The following FSTL5 variants were observed in gnomAD, a reference collection of about 807,000 sequenced individuals.
FSTL5 encodes the protein follistatin like 5.
Under a neutral mutation model 89.1 loss-of-function variants are expected in FSTL5, and 62 were observed. That is an observed-to-expected ratio of 0.70 (90% CI 0.57 to 0.86). The LOEUF (loss-of-function observed/expected upper bound fraction) is 0.86, where lower values mean the gene tolerates loss of function less well. FSTL5 is among the 40% of genes least tolerant of loss of function. The pLI is 0.00. For missense variants in FSTL5, 1,057 were observed against 1,001.6 expected, an observed-to-expected ratio of 1.06 and a Z score of -0.75; for synonymous variants, 383 against 346.2, an observed-to-expected ratio of 1.11 and a Z score of -1.18.
chr4:161,391,821 G>A (rs1188689889), intron 15 of FSTL5, among the ~76,000 whole-genome samples: 1 of 152,198 alleles, frequency 6.6e-6, no homozygotes, highest in Non-Finnish European at 1.5e-5. Flanking sequence ...GCTTAGATGT[G>A]TTTGAGAAAT....
At chr4:161,426,133 G>T (rs1045571059) in intron 15 of FSTL5, among the ~76,000 whole-genome samples, 4 of 151,860 alleles carry the variant, frequency 2.6e-5, no homozygotes, top group Admixed American at 2.6e-4. Flanking sequence ...TTTTGTATCT[G>T]CATATTATTC....
At chr4:161,579,656 G>T (rs772058330) in intron 8 of FSTL5, among the ~76,000 whole-genome samples, 20 of 150,528 alleles carry the variant, frequency 1.3e-4, no homozygotes, top group Admixed American at 2.7e-4. Flanking sequence ...GGCAGAGGTT[G>T]CAGTGAGCCA....
In FSTL5 at chr4:161,920,569, T is replaced by C; in HGVS notation, c.244A>G (p.Thr82Ala). 1 of 1,613,980 alleles carries C rather than the reference T, an allele frequency of 6.2e-7. No homozygotes were observed. Residue 82 changes from threonine to alanine, a missense_variant, in exon 4 of 16, where the codon ACA becomes GCA. By Grantham distance (58) the Thr-to-Ala change is moderately conservative (BLOSUM62 0). Transcript: ENST00000306100. ...ATACAGGCACATTCTGCTTGCCCTG[T>C]CTCTCTGCTGGTAACACAGTGTCTT... ...LGRHCVTSRE[T>A]GQAECACMDL...
intron 3 of FSTL5, among the ~76,000 whole-genome samples, chr4:161,923,114 T>C (rs1266634448): frequency 6.6e-6 from 1 of 151,976 alleles, no homozygotes; most frequent in African/African-American, 2.4e-5. Context: ...CTTCCAACCA[T>C]GCCCAAATAA....
At chr4:161,882,569 T>C (rs1326746280) in intron 4 of FSTL5, among the ~76,000 whole-genome samples, 1 of 152,144 alleles carries the variant, frequency 6.6e-6, no homozygotes, top group Non-Finnish European at 1.5e-5. Context: ...AGGGACAATG[T>C]ATTATCCATA....
intron 7 of FSTL5, among the ~76,000 whole-genome samples, chr4:161,591,628 T>C (rs1218607630): frequency 6.6e-6 from 1 of 152,182 alleles, no homozygotes; most frequent in Non-Finnish European, 1.5e-5. Context: ...AATTGACATA[T>C]TTTTATGAAG....
chr4:161,999,137 T>C (rs1159480207), intron 3 of FSTL5, among the ~76,000 whole-genome samples: 4 of 152,178 alleles, frequency 2.6e-5, no homozygotes, highest in Admixed American at 2.0e-4. Context: ...TAGAATTTTA[T>C]TTTTAGTTTA....
At chr4:161,854,416 C>G (rs1265108291) in intron 4 of FSTL5, among the ~76,000 whole-genome samples, 1 of 152,096 alleles carries the variant, frequency 6.6e-6, no homozygotes, top group African/African-American at 2.4e-5. Flanking sequence ...ACTGTGAAGT[C>G]CCTACATGAT....
intron 2 of FSTL5, among the ~76,000 whole-genome samples, chr4:162,050,834 T>C (rs1421453415): frequency 6.6e-6 from 1 of 151,016 alleles, no homozygotes; most frequent in Non-Finnish European, 1.5e-5. Flanking sequence ...AGTTAATAAA[T>C]TAATAAAGAG....
At chr4:161,604,088 A>G (rs1261059980) in intron 7 of FSTL5, among the ~76,000 whole-genome samples, 1 of 152,174 alleles carries the variant, frequency 6.6e-6, no homozygotes, top group Non-Finnish European at 1.5e-5. Flanking sequence ...GTGCTCCAAT[A>G]ATGTAATTTC....
intron 4 of FSTL5, among the ~76,000 whole-genome samples, chr4:161,844,162 A>G (rs949915283): frequency 4.6e-5 from 7 of 152,208 alleles, no homozygotes; most frequent in African/African-American, 1.7e-4. Flanking sequence ...AAAAGAAGAC[A>G]TATATGCAGC....
In FSTL5 at chr4:161,701,402, A is replaced by T. The variant is rs545112255; in HGVS notation, c.728-44908T>A. Among the ~76,000 whole-genome samples, 47 of 152,284 alleles carry T rather than the reference A, an allele frequency of 3.1e-4. 1 individual carries two copies. The highest frequency in any genetic ancestry group is 3.4e-3 in the Middle Eastern group (1 of 294). ...ATTCTCTAAAATGTTATTCTCACTT[A>T]GAAAAAATAGTAGATATAGGTTAAA... On this transcript the variant is annotated intron_variant, in intron 6 of 15. Coordinates refer to ENST00000306100, the MANE Select transcript of FSTL5 (RefSeq NM_020116.5).
intron 4 of FSTL5, among the ~76,000 whole-genome samples, chr4:161,810,609 A>T (rs908119755): frequency 1.6e-4 from 24 of 152,170 alleles, no homozygotes; most frequent in African/African-American, 5.5e-4. Flanking sequence ...GAAGAAATAG[A>T]TTATGACTTT....
intron 12 of FSTL5, among the ~76,000 whole-genome samples, chr4:161,489,896 C>T (rs1729804011): frequency 6.7e-6 from 1 of 150,126 alleles, no homozygotes; most frequent in Non-Finnish European, 1.5e-5. Flanking sequence ...TAAAACATGG[C>T]TGCAGGAATT....
At chr4:161,931,552 A>C (rs949653828) in intron 3 of FSTL5, among the ~76,000 whole-genome samples, 22 of 152,044 alleles carry the variant, frequency 1.4e-4, no homozygotes, top group Admixed American at 1.2e-3. Context: ...ACAATGTGAT[A>C]ATATTATTGC....
chr4:161,901,682 C>T (rs1733368203), intron 4 of FSTL5, among the ~76,000 whole-genome samples: 1 of 152,132 alleles, frequency 6.6e-6, no homozygotes, highest in Non-Finnish European at 1.5e-5. Flanking sequence ...ACCTGTAATC[C>T]TAGCACTTTG....
At chr4:161,813,623 A>G (rs1730233833) in intron 4 of FSTL5, among the ~76,000 whole-genome samples, 1 of 152,214 alleles carries the variant, frequency 6.6e-6, no homozygotes, top group Admixed American at 6.5e-5. Context: ...GGTGTGTTGT[A>G]TCGCCACAGG....
chr4:161,472,757 T>TCA (rs1733991437), intron 13 of FSTL5, among the ~76,000 whole-genome samples: 5 of 151,196 alleles, frequency 3.3e-5, no homozygotes, highest in South Asian at 2.1e-4. Flanking sequence ...AGACGGAGTC[T>TCA]CACTCTTGCC....
intron 6 of FSTL5, among the ~76,000 whole-genome samples, chr4:161,723,976 C>T (rs1739307688): frequency 6.6e-6 from 1 of 151,912 alleles, no homozygotes; most frequent in Non-Finnish European, 1.5e-5. Context: ...CCATAAGGAG[C>T]ATAAAGTCTT....
Sources: gnomAD v4.1 joint callset for allele counts (sites outside exome capture counted in the v4.1 genomes callset) on GRCh38, gnomAD v4.1.1 for gene constraint, MANE v1.5 for transcripts, NCBI Gene and HGNC (gene_info 2026-07-23, HGNC 2026-07-21) for gene names.